HRG: variants seen among roughly 807,000 people sequenced by gnomAD.
The protein encoded by HRG is histidine rich glycoprotein.
A neutral mutation model predicts 29.5 loss-of-function variants in HRG; 26 were observed. That is an observed-to-expected ratio of 0.88 (90% CI 0.65 to 1.22). HRG has a LOEUF of 1.22. Ranked by LOEUF, HRG falls within the 50% of genes most tolerant of loss-of-function variation. HRG has a pLI of 0.00. For synonymous variants in HRG, 243 were observed against 240.4 expected, an observed-to-expected ratio of 1.01 and a Z score of -0.10; for missense variants, 671 against 654.5, an observed-to-expected ratio of 1.03 and a Z score of -0.28.
chr3:186,670,589 C>T (rs1718755393), intron 3 of HRG, among the ~76,000 whole-genome samples: 1 of 152,070 alleles, frequency 6.6e-6, no homozygotes, highest in South Asian at 2.1e-4. Context: ...CTCTTGCTAC[C>T]CAGGCTGGAG....
Position 186,678,006 on chromosome 3 carries a change from A to G in HRG, c.*123A>G. The G allele has an allele frequency of 1.1e-6, 1 of 949,676 alleles. No individual in the cohort carries two copies. Among genetic ancestry groups the G allele is most frequent in the Non-Finnish European group, 1.6e-6 (1 of 616,712 alleles). 58.8% of individuals were successfully genotyped at this position (949,676 alleles called of 1,614,324 possible). On this transcript the variant is annotated 3_prime_UTR_variant, in exon 7 of 7. Transcript: ENST00000232003. ...ACTTTCATACTGAAGATGCAGCAAA[A>G]TGTGAATGGGAAAAGAGATGGCCTG...
In HRG at chr3:186,677,315, C is replaced by T. The variant is rs775650617; in HGVS notation, c.1010C>T (p.Ala337Val). Residue 337 changes from alanine to valine, a missense_variant, in exon 7 of 7, where the codon GCC becomes GTC. Physicochemically the swap from Ala to Val is moderately conservative, Grantham distance 64 (BLOSUM62 0). Transcript: ENST00000232003. ...CATGCCACTTTTGGCACAAATGGGG[C>T]CCAAAGACATTCTCATAATAATAAT... is the stretch of plus-strand genomic sequence containing the variant. ...CQHATFGTNG[A>V]QRHSHNNNSS... The T allele has an allele frequency of 4.3e-6, 7 of 1,614,066 alleles. No homozygotes were observed. The highest frequency in any genetic ancestry group is 1.1e-5 in the South Asian group (1 of 91,068).
At chr3:186,668,897 C>T (rs1205915797) in intron 1 of HRG, 38 bp from the exon 2 acceptor site, 2 of 1,090,584 alleles carry the variant, frequency 1.8e-6, no homozygotes, top group Non-Finnish European at 2.8e-6. Context: ...CGCTAGGTTT[C>T]CATGTGCTAC....
intron 2 of HRG, 174 bp from the exon 3 acceptor site, chr3:186,669,764 G>A: frequency 1.5e-6 from 1 of 657,178 alleles, no homozygotes; most frequent in South Asian, 1.7e-5. Flanking sequence ...ACAGGATGCA[G>A]CACACAGAAA....
intron 6 of HRG, among the ~76,000 whole-genome samples, chr3:186,676,657 A>C (rs1462797065): frequency 1.3e-5 from 2 of 151,490 alleles, no homozygotes; most frequent in African/African-American, 4.9e-5. Context: ...AAAAAGAAAA[A>C]AAAAAATTAG....
At position 186,677,069 on chromosome 3, in the gene HRG, T is replaced by C. The variant is rs1379281365; in HGVS notation, c.764T>C (p.Val255Ala). The change falls in exon 7 of 7, where the codon GTA becomes GCA. Residue 255 changes from valine (V) to alanine (A), a missense_variant. Val to Ala is a moderately conservative substitution (Grantham distance 64, BLOSUM62 0). Coordinates refer to ENST00000232003, the MANE Select transcript of HRG (RefSeq NM_000412.5). Reference sequence around the variant, plus strand: ...CAGGAACATGAGAACATCAATGGTGTACCGCCTCATTTGGGACATCCCTTC... The same window carrying C: ...CAGGAACATGAGAACATCAATGGTGCACCGCCTCATTTGGGACATCCCTTC... ...DPQEHENINGVPPHLGHPFHW... is the reference protein window; with the variant it reads ...DPQEHENINGAPPHLGHPFHW... 1 of 1,614,076 alleles carries C rather than the reference T, an allele frequency of 6.2e-7. No individual in the cohort carries two copies. The highest frequency in any genetic ancestry group is 1.6e-4 in the Middle Eastern group (1 of 6,062).
chr3:186,672,292 G>A (rs536025361), intron 4 of HRG, among the ~76,000 whole-genome samples: 1 of 152,320 alleles, frequency 6.6e-6, no homozygotes, highest in Admixed American at 6.5e-5. Flanking sequence ...AATAGATTGT[G>A]TTGCATACAA....
chr3:186,673,900 A>T (rs1239895741), intron 5 of HRG: 3 of 152,180 alleles, frequency 2.0e-5, no homozygotes, highest in Non-Finnish European at 2.9e-5. Flanking sequence ...CACATCTGTT[A>T]TTGCCAGGAG....
In HRG at chr3:186,669,063, G is replaced by C. The variant is rs747738334; in HGVS notation, c.300+12G>C. 7.5e-6 allele frequency: 10 copies of C among 1,333,706 alleles called. No individual in the cohort carries two copies. The African/African-American group carries it at 8.6e-5, about 11-fold the overall frequency. 82.6% of individuals were successfully genotyped at this position (1,333,706 alleles called of 1,614,324 possible). A position where few individuals can be genotyped will look rare whatever the true frequency, so the allele number is the denominator to read the frequency against. ...GTCCATCTGAAATAGTAAGTAAAGA[G>C]GGCACCTTCACTCTGCTCTTTTCAT... On this transcript the variant is annotated intron_variant, in intron 2 of 6. Transcript: ENST00000232003.
rs1560042714 is a variant in HRG, at chr3:186,677,460, C to A, written c.1155C>A (p.His385Gln). ...DTHRQHPHGHHPHGHHPHGHH... is the reference protein window; with the variant it reads ...DTHRQHPHGHQPHGHHPHGHH... ...ATAGACAGCATCCCCATGGACACCA[C>A]CCCCATGGACACCATCCTCATGGAC... Residue 385 changes from histidine (H) to glutamine (Q), a missense_variant, in exon 7 of 7, where the codon CAC becomes CAA. By Grantham distance (24) the His-to-Gln change is conservative. Coordinates refer to ENST00000232003, the MANE Select transcript of HRG (RefSeq NM_000412.5). 1.3e-6 allele frequency: 2 copies of A among 1,589,026 alleles called. No homozygotes were observed. Among genetic ancestry groups the A allele is most frequent in the Admixed American group, 1.8e-5 (1 of 55,298 alleles).
chr3:186,671,882 A>G lies in HRG; in HGVS notation c.558+93A>G, dbSNP rs528609678. On this transcript the variant is annotated intron_variant, in intron 4 of 6. Coordinates refer to ENST00000232003, the MANE Select transcript of HRG (RefSeq NM_000412.5). ...TGGCATACCCTCTCCACCTGCCTCA[A>G]TTGACTAGCTGCCTTTTAATTTGTC... The G allele has an allele frequency of 8.7e-5, 90 of 1,034,156 alleles. 1 individual carries two copies. Among genetic ancestry groups the G allele is most frequent in the East Asian group, 6.0e-4 (25 of 41,932 alleles). The allele number at this position is 1,034,156 out of a possible 1,614,324, so 64.1% of individuals were successfully genotyped here. A position where few individuals can be genotyped will look rare whatever the true frequency, so the allele number is the denominator to read the frequency against.
At position 186,675,296 on chromosome 3, in the gene HRG, T is replaced by A. The variant is rs1438459837; in HGVS notation, c.741+106T>A. ...AGCTCTATGAGTGGGTGTGTGTGTG[T>A]GTGTGTGTGTGTGAGAGAGAGAGAG... On this transcript the variant is annotated intron_variant, in intron 6 of 6. Transcript: ENST00000232003. The A allele has an allele frequency of 1.3e-3, 749 of 588,784 alleles. 2 individuals carry two copies. Among genetic ancestry groups the A allele is most frequent in the African/African-American group, 0.012 (499 of 43,360 alleles). 36.5% of individuals were successfully genotyped at this position (588,784 alleles called of 1,614,324 possible).
At chr3:186,674,655 T>C (rs1423913646) in intron 5 of HRG, 1 of 315,140 alleles carries the variant, frequency 3.2e-6, no homozygotes, top group South Asian at 2.9e-5. Flanking sequence ...CCCATCTTTA[T>C]GCTATACAGA....
chr3:186,668,170 T>C (rs1459661300), intron 1 of HRG, among the ~76,000 whole-genome samples: 1 of 152,170 alleles, frequency 6.6e-6, no homozygotes. Flanking sequence ...CTCTGAGAGC[T>C]AGCATAGAGA....
chr3:186,666,787 CCTGTAATCCCAGCTACT>C (rs1718624293), intron 1 of HRG: 1 of 159,140 alleles, frequency 6.3e-6, no homozygotes, highest in Admixed American at 6.0e-5. Flanking sequence ...GTGGTGCACG[CCTGTAATCCCAGCTACT>C]CAGGGGGTTG....
chr3:186,675,031 G>T (rs1313140096), intron 5 of HRG, 58 bp from the exon 6 acceptor site: 14 of 1,115,354 alleles, frequency 1.3e-5, no homozygotes, highest in Middle Eastern at 4.1e-4. Context: ...GCTAACTCTG[G>T]CTGGTCATCT....
intron 6 of HRG, 114 bp downstream of exon 6, chr3:186,675,304 T>TGAGAGAGAGAGAGA (rs1474974601): frequency 1.4e-5 from 7 of 490,288 alleles, no homozygotes; most frequent in South Asian, 1.3e-4. Flanking sequence ...TGTGTGTGTG[T>TGAGAGAGAGAGAGA]GTGTGAGAGA....
At position 186,675,070 on chromosome 3, in the gene HRG, GCT is replaced by G; in HGVS notation, c.640-17_640-16del. On this transcript the variant is annotated splice_polypyrimidine_tract_variant and intron_variant, in intron 5 of 6. Transcript: ENST00000232003. ...CACCACCTGGACACACACACTAACA[GCT>G]CCTCATTCCTTTGTAGGTCTTTGGA... 9 of 1,538,678 alleles carry G rather than the reference GCT, an allele frequency of 5.8e-6. No individual in the cohort carries two copies. The highest frequency in any genetic ancestry group is 8.1e-6 in the Non-Finnish European group (9 of 1,111,486).
At chr3:186,672,690 A>C in intron 4 of HRG, 97 bp from the exon 5 acceptor site, 2 of 802,696 alleles carry the variant, frequency 2.5e-6, no homozygotes, top group Non-Finnish European at 4.4e-6. Flanking sequence ...TTGAATTCTC[A>C]TACTGCCTTA....
Sources: allele counts gnomAD v4.1 joint callset (sites outside exome capture counted in the v4.1 genomes callset), GRCh38; gene constraint gnomAD v4.1.1; transcripts MANE v1.5; gene names NCBI Gene and HGNC (gene_info 2026-07-23, HGNC 2026-07-21).